ITGA8: variants seen among roughly 807,000 people sequenced by gnomAD.
ITGA8 encodes integrin subunit alpha 8.
In ITGA8, 91 loss-of-function variants were observed where a neutral mutation model predicts 142.3. The observed-to-expected ratio is 0.64, with a 90% confidence interval of 0.54 to 0.76. ITGA8 has a LOEUF of 0.76. ITGA8 is among the 30% of genes least tolerant of loss of function. The probability of loss-of-function intolerance (pLI) is 0.00; values close to 1 mark genes in which losing one functional copy is unlikely to be tolerated. For missense variants in ITGA8, 1,406 were observed against 1,327.7 expected, an observed-to-expected ratio of 1.06 and a Z score of -0.92; for synonymous variants, 505 against 485.2, an observed-to-expected ratio of 1.04 and a Z score of -0.54.
intron 27 of ITGA8, among the ~76,000 whole-genome samples, chr10:15,537,976 A>C (rs555387874): frequency 8.5e-4 from 119 of 139,532 alleles, no homozygotes; most frequent in Middle Eastern, 7.6e-3. Context: ...CAAAACAAAA[A>C]AAAAACACAA....
chr10:15,531,311 C>A (rs1197605111), intron 27 of ITGA8, among the ~76,000 whole-genome samples, 160 bp from the exon 28 acceptor site: 1 of 152,076 alleles, frequency 6.6e-6, no homozygotes, highest in East Asian at 1.9e-4. Context: ...CCCACCCAAG[C>A]ATTCATCCAT....
intron 27 of ITGA8, among the ~76,000 whole-genome samples, chr10:15,541,805 T>G (rs1833574862): frequency 6.6e-6 from 1 of 152,054 alleles, no homozygotes; most frequent in South Asian, 2.1e-4. Context: ...CTCACAAGTT[T>G]TTTTTTTTTT....
intron 14 of ITGA8, among the ~76,000 whole-genome samples, chr10:15,614,509 GAGAGACTGAC>G (rs1833359203): frequency 6.6e-6 from 1 of 152,196 alleles, no homozygotes; most frequent in Admixed American, 6.5e-5. Context: ...AATTTGAGGA[GAGAGACTGAC>G]AGAGTGTAAG....
rs1434139727 is a variant in ITGA8 at position 15,514,925 on chromosome 10, G to A, written c.*2233C>T. On this transcript the variant is annotated 3_prime_UTR_variant, in exon 30 of 30. Coordinates refer to ENST00000378076, the MANE Select transcript of ITGA8 (RefSeq NM_003638.3). The stretch of plus-strand genomic sequence containing the variant: ...CTCAGTCTTCCTCCTGGCATCTCTA[G>A]TTCCTTCCAGGTATCTGCATAAACT... 1 of 152,250 alleles carries A rather than the reference G, an allele frequency of 6.6e-6. No individual in the cohort carries two copies. Among genetic ancestry groups the A allele is most frequent in the African/African-American group, 2.4e-5 (1 of 41,430 alleles). The allele number at this position is 152,250 out of a possible 1,614,324, so 9.4% of individuals were successfully genotyped here.
At chr10:15,575,405 AATG>A in intron 24 of ITGA8, 81 bp downstream of exon 24, 1 of 950,566 alleles carries the variant, frequency 1.1e-6, no homozygotes, top group South Asian at 1.3e-5. Context: ...TAATAATGAT[AATG>A]ATAATAATGC....
intron 2 of ITGA8, among the ~76,000 whole-genome samples, chr10:15,717,224 A>G (rs1380210524): frequency 6.6e-6 from 1 of 152,242 alleles, no homozygotes; most frequent in Non-Finnish European, 1.5e-5. Flanking sequence ...TTCCACGACC[A>G]TAAATTGCTT....
chr10:15,588,816 A>G (rs1314856834), intron 22 of ITGA8, among the ~76,000 whole-genome samples: 3 of 152,226 alleles, frequency 2.0e-5, no homozygotes, highest in African/African-American at 7.2e-5. Context: ...ACAATCTAAC[A>G]TGAGGCTTTT....
At chr10:15,533,332 T>C (rs1833350288) in intron 27 of ITGA8, among the ~76,000 whole-genome samples, 1 of 152,212 alleles carries the variant, frequency 6.6e-6, no homozygotes, top group African/African-American at 2.4e-5. Flanking sequence ...GAAAATTCCT[T>C]TTTGGATGTT....
At chr10:15,523,601 TAA>T (rs936232962) in intron 28 of ITGA8, among the ~76,000 whole-genome samples, 7 of 152,036 alleles carry the variant, frequency 4.6e-5, no homozygotes, top group African/African-American at 9.7e-5. Context: ...CCAGTAACAT[TAA>T]GTTTGTTTAA....
At position 15,606,434 on chromosome 10, in the gene ITGA8, A is replaced by T. The variant is rs1412642821; in HGVS notation, c.1765-12T>A. 1.9e-6 allele frequency: 3 copies of T among 1,584,260 alleles called. No homozygotes were observed. The African/African-American group carries it at 4.0e-5, about 21-fold the overall frequency. On this transcript the variant is annotated splice_polypyrimidine_tract_variant and intron_variant, in intron 17 of 29. Coordinates refer to ENST00000378076, the MANE Select transcript of ITGA8 (RefSeq NM_003638.3). ...AATTCAGTTTCATCCTAGGAAAAATAATCACAAACTCAACAGAGGCTCCAT... is the reference window on the plus strand; with the variant it reads ...AATTCAGTTTCATCCTAGGAAAAATTATCACAAACTCAACAGAGGCTCCAT...
intron 11 of ITGA8, among the ~76,000 whole-genome samples, chr10:15,648,335 A>G (rs774122797): frequency 2.0e-5 from 3 of 152,018 alleles, no homozygotes; most frequent in Non-Finnish European, 2.9e-5. Flanking sequence ...TAGATTAGGC[A>G]ATATGCTGAA....
chr10:15,586,765 T>C (rs1832840069), intron 22 of ITGA8, 101 bp from the exon 23 acceptor site: 1 of 679,548 alleles, frequency 1.5e-6, no homozygotes, highest in Non-Finnish European at 2.7e-6. Context: ...GAACACACGT[T>C]ACTAACCTGA....
chr10:15,587,112 G>A (rs1199802151), intron 22 of ITGA8, among the ~76,000 whole-genome samples: 1 of 151,912 alleles, frequency 6.6e-6, no homozygotes. Flanking sequence ...TAGTAAAGAC[G>A]GGGTTTCACC....
At chr10:15,606,527 G>A in intron 17 of ITGA8, 105 bp from the exon 18 acceptor site, 1 of 1,108,364 alleles carries the variant, frequency 9.0e-7, no homozygotes, top group Non-Finnish European at 1.3e-6. Flanking sequence ...GAAAGTGAAT[G>A]ATGAAACAAT....
At chr10:15,699,122 A>C (rs917083901) in intron 2 of ITGA8, among the ~76,000 whole-genome samples, 3 of 152,136 alleles carry the variant, frequency 2.0e-5, no homozygotes, top group Non-Finnish European at 4.4e-5. Context: ...CACCTCTACT[A>C]AAAATACAAA....
At chr10:15,552,361 A>G (rs550875587) in intron 26 of ITGA8, among the ~76,000 whole-genome samples, 1 of 152,118 alleles carries the variant, frequency 6.6e-6, no homozygotes, top group South Asian at 2.1e-4. Context: ...ATGGTCTCAA[A>G]TCTCCTGACC....
intron 13 of ITGA8, among the ~76,000 whole-genome samples, chr10:15,640,199 A>T (rs1639499638): frequency 6.6e-6 from 1 of 152,176 alleles, no homozygotes; most frequent in African/African-American, 2.4e-5. Context: ...CCAAAAACAA[A>T]GGGCCTCAAT....
Position 15,613,673 on chromosome 10 carries a change from T to C in ITGA8, c.1540A>G (p.Thr514Ala). 1 of 1,611,058 alleles carries C rather than the reference T, an allele frequency of 6.2e-7. No individual in the cohort carries two copies. The highest frequency in any genetic ancestry group is 1.1e-5 in the South Asian group (1 of 90,994). ...GGACTAACTCACCAGGCAGCAGATG[T>C]CATAGAGTCTGGAACCTGGCAAGTT... is the stretch of plus-strand genomic sequence containing the variant. ...NKTCQVPDSM[T>A]SAACFSLRVC... Residue 514 changes from threonine (T) to alanine (A), a missense_variant, in exon 15 of 30, where the codon ACA becomes GCA. Coordinates refer to ENST00000378076, the MANE Select transcript of ITGA8 (RefSeq NM_003638.3).
At position 15,718,806 on chromosome 10, in the gene ITGA8, C is replaced by T. The variant is rs1835501575; in HGVS notation, c.303G>A (p.Glu101=). ...GAVYYCPWPA[E]GSAQCRQIPF... ...GTATCTGCCTGCACTGCGCAGACCC[C>T]TCCGCGGGCCAAGGACAGTAATAGA... Residue 101 remains glutamate, a synonymous_variant, in exon 2 of 30, where the codon GAG becomes GAA. Transcript: ENST00000378076. 1.2e-6 allele frequency: 2 copies of T among 1,614,204 alleles called. No individual in the cohort carries two copies.
Sources: gnomAD v4.1 joint callset for allele counts (sites outside exome capture counted in the v4.1 genomes callset) on GRCh38, gnomAD v4.1.1 for gene constraint, MANE v1.5 for transcripts, NCBI Gene and HGNC (gene_info 2026-07-23, HGNC 2026-07-21) for gene names.